TPH2: variants seen among roughly 807,000 people sequenced by gnomAD.
TPH2 encodes tryptophan hydroxylase 2.
Under a neutral mutation model 59.1 loss-of-function variants are expected in TPH2, and 27 were observed. The observed-to-expected ratio is 0.46, with a 90% CI of 0.34 to 0.63. The LOEUF (loss-of-function observed/expected upper bound fraction) is 0.63, where lower values mean the gene tolerates loss of function less well. Among genes scored for constraint, TPH2 ranks in the 30% least tolerant of loss-of-function variants. TPH2 has a pLI of 0.01. For missense variants in TPH2, 523 were observed against 588.3 expected (o/e 0.89, Z 1.15); for synonymous variants, 220 against 210.5 (o/e 1.05, Z -0.39).
chr12:71,989,100 TAAA>T (rs34334884), intron 7 of TPH2, among the ~76,000 whole-genome samples: 36 of 116,224 alleles, frequency 3.1e-4, no homozygotes, highest in East Asian at 7.7e-4. Flanking sequence ...CTGGCTTTAT[TAAA>T]AAAAAAAAAA....
In TPH2 at chr12:71,979,079, C is replaced by T. The variant is rs995555663; in HGVS notation, c.933C>T (p.Thr311=). The part of the protein sequence containing the change: ...YIRHGSDPLY[T]PEPDTCHELL... ...GGCATGGCTCAGATCCCCTCTACAC[C>T]CCAGAACCGTGAGTACCTACATTAA... is the stretch of plus-strand genomic sequence containing the variant. The change falls in exon 7 of 11, where the codon ACC becomes ACT. Residue 311 remains threonine (T), a synonymous_variant. Transcript: ENST00000333850. The T allele has an allele frequency of 1.2e-6, 2 of 1,614,008 alleles. No homozygotes were observed. The highest frequency in any genetic ancestry group is 1.3e-5 in the African/African-American group (1 of 74,914).
chr12:71,970,226 T>A (rs1214635213), intron 5 of TPH2, among the ~76,000 whole-genome samples: 1 of 152,176 alleles, frequency 6.6e-6, no homozygotes, highest in Non-Finnish European at 1.5e-5. Flanking sequence ...GCCGACTTAC[T>A]TGGGTTTAGG....
At chr12:71,940,529 G>A (rs894136685) in intron 1 of TPH2, among the ~76,000 whole-genome samples, 4 of 152,130 alleles carry the variant, frequency 2.6e-5, no homozygotes, top group South Asian at 2.1e-4. Flanking sequence ...AGATTGGTAC[G>A]ATTGTATTAA....
At chr12:71,997,313 T>C (rs534623035) in intron 8 of TPH2, among the ~76,000 whole-genome samples, 1 of 152,352 alleles carries the variant, frequency 6.6e-6, no homozygotes, top group East Asian at 1.9e-4. Flanking sequence ...ATGATAATCT[T>C]CCCGTCTCAC....
chr12:72,013,403 G>C (rs1873153104), intron 8 of TPH2, among the ~76,000 whole-genome samples: 2 of 152,262 alleles, frequency 1.3e-5, no homozygotes, highest in South Asian at 4.2e-4. Flanking sequence ...GGTACATTCT[G>C]TAATTTGACT....
intron 5 of TPH2, among the ~76,000 whole-genome samples, chr12:71,958,992 G>A (rs577179274): frequency 6.6e-6 from 1 of 151,830 alleles, no homozygotes; most frequent in Non-Finnish European, 1.5e-5. Flanking sequence ...CAGAGAGACA[G>A]AGAATTTTCT....
At chr12:72,007,966 A>G (rs1241418073) in intron 8 of TPH2, among the ~76,000 whole-genome samples, 1 of 152,160 alleles carries the variant, frequency 6.6e-6, no homozygotes, top group Non-Finnish European at 1.5e-5. Flanking sequence ...TTTATTCATT[A>G]AGTAATATTT....
At chr12:71,997,375 G>A (rs974049352) in intron 8 of TPH2, among the ~76,000 whole-genome samples, 1 of 152,130 alleles carries the variant, frequency 6.6e-6, no homozygotes, top group African/African-American at 2.4e-5. Flanking sequence ...ACAGGTTCTG[G>A]GGATTAGGCC....
chr12:71,982,834 A>C (rs1872322330), intron 7 of TPH2, among the ~76,000 whole-genome samples: 1 of 152,252 alleles, frequency 6.6e-6, no homozygotes, highest in Non-Finnish European at 1.5e-5. Flanking sequence ...AGCAACAAAA[A>C]ATACATTATC....
chr12:71,993,553 G>A lies in TPH2; in HGVS notation c.942-886G>A, dbSNP rs988301916. Among the ~76,000 whole-genome samples, 7 of 152,270 alleles carry A rather than the reference G, an allele frequency of 4.6e-5. 1 individual carries two copies. Among genetic ancestry groups the A allele is most frequent in the Middle Eastern group, 6.8e-3 (2 of 292 alleles). Reference sequence around the variant, plus strand: ...TTGTCGTGAAAGATACCTGTCTTTTGCTCACTTTCCTGGCTCCAAATGAAA... The same window carrying A: ...TTGTCGTGAAAGATACCTGTCTTTTACTCACTTTCCTGGCTCCAAATGAAA... On this transcript the variant is annotated intron_variant, in intron 7 of 10. Coordinates refer to ENST00000333850, the MANE Select transcript of TPH2 (RefSeq NM_173353.4).
intron 7 of TPH2, among the ~76,000 whole-genome samples, chr12:71,988,378 T>C (rs1872496851): frequency 6.6e-6 from 1 of 152,178 alleles, no homozygotes; most frequent in Non-Finnish European, 1.5e-5. Context: ...TTTAATTGGC[T>C]CGCGGTTCTG....
chr12:72,001,089 A>C (rs925830523), intron 8 of TPH2, among the ~76,000 whole-genome samples: 1 of 152,210 alleles, frequency 6.6e-6, no homozygotes, highest in African/African-American at 2.4e-5. Context: ...GGGGGAAGCA[A>C]TCAGTGTGAA....
At position 71,944,274 on chromosome 12, in the gene TPH2, A is replaced by C; in HGVS notation, c.256-20A>C. ...TTTATTGTCCCTGAAGGTGATTTTC[A>C]GATGCTCGTGTTTCCACAGGAAAAA... On this transcript the variant is annotated intron_variant, in intron 2 of 10. Transcript: ENST00000333850. 1.2e-6 allele frequency: 2 copies of C among 1,613,516 alleles called. No individual in the cohort carries two copies. Among genetic ancestry groups the C allele is most frequent in the African/African-American group, 1.3e-5 (1 of 75,038 alleles).
chr12:71,970,702 C>T (rs968817173), intron 5 of TPH2, among the ~76,000 whole-genome samples: 2 of 152,206 alleles, frequency 1.3e-5, no homozygotes, highest in Non-Finnish European at 2.9e-5. Context: ...CTTTTCATTT[C>T]AAGCTTTCAT....
At chr12:71,958,667 C>G (rs1334824549) in intron 5 of TPH2, among the ~76,000 whole-genome samples, 1 of 152,168 alleles carries the variant, frequency 6.6e-6, no homozygotes, top group African/African-American at 2.4e-5. Flanking sequence ...CTATTCTCCT[C>G]CTACCCAAAG....
rs1871712000 is a variant in TPH2 at position 71,962,433 on chromosome 12, G to A, written c.609-10086G>A. The A allele has an allele frequency of 4.1e-6, 4 of 985,414 alleles. No homozygotes were observed. In the African/African-American group the frequency reaches 5.2e-5, roughly 13 times the overall value. 61.0% of individuals were successfully genotyped at this position (985,414 alleles called of 1,614,324 possible). A position where few individuals can be genotyped will look rare whatever the true frequency, so the allele number is the denominator to read the frequency against. On this transcript the variant is annotated intron_variant, in intron 5 of 10. Coordinates refer to ENST00000333850, the MANE Select transcript of TPH2 (RefSeq NM_173353.4). ...CCTGGTGAAAATTTTGGTTACAAGT[G>A]TGACTGAGTGATGATGTCTAGATAA...
At chr12:71,978,223 A>G (rs571504990) in intron 6 of TPH2, among the ~76,000 whole-genome samples, 8 of 152,284 alleles carry the variant, frequency 5.3e-5, no homozygotes, top group African/African-American at 1.7e-4. Context: ...TTTAAAAAAA[A>G]AAAAAGAATA....
At chr12:71,969,054 C>T (rs1463033326) in intron 5 of TPH2, among the ~76,000 whole-genome samples, 2 of 152,160 alleles carry the variant, frequency 1.3e-5, no homozygotes, top group African/African-American at 4.8e-5. Flanking sequence ...GAGGCCGAGG[C>T]GGGCGGATCA....
intron 1 of TPH2, among the ~76,000 whole-genome samples, chr12:71,939,655 A>T (rs1032970424): frequency 7.9e-5 from 12 of 152,082 alleles, no homozygotes; most frequent in Non-Finnish European, 1.3e-4. Flanking sequence ...ACATTGCTCA[A>T]TTTTTTTCAG....
Sources: gnomAD v4.1 joint callset for allele counts (sites outside exome capture counted in the v4.1 genomes callset) on GRCh38, gnomAD v4.1.1 for gene constraint, MANE v1.5 for transcripts, NCBI Gene and HGNC (gene_info 2026-07-23, HGNC 2026-07-21) for gene names.